The following OCRL variants were observed in gnomAD, a reference collection of about 807,000 sequenced individuals.
OCRL encodes the protein OCRL inositol polyphosphate-5-phosphatase, also known as inositol polyphosphate 5-phosphatase OCRL.
OCRL carries 8 observed loss-of-function variants against 78.9 expected under a neutral mutation model. The ratio of observed to expected loss-of-function variants is 0.10; its 90% confidence interval spans 0.06 to 0.18. The LOEUF (loss-of-function observed/expected upper bound fraction) is 0.18, where lower values mean the gene tolerates loss of function less well. Among genes scored for constraint, OCRL ranks in the 10% least tolerant of loss-of-function variants. OCRL has a pLI of 1.00. For missense variants in OCRL, 454 were observed against 696.7 expected (o/e 0.65, Z 3.92); for synonymous variants, 240 against 235.4 (o/e 1.02, Z -0.18).
At chrX:129,546,338 TA>T (rs1376672567) in intron 3 of OCRL, among the ~76,000 whole-genome samples, 1 of 112,210 alleles carries the variant, frequency 8.9e-6, no homozygotes, top group Non-Finnish European at 1.9e-5. Context: ...ATAATGTAAT[TA>T]TTCCCCTATG....
rs924591233 is a variant in OCRL at position 129,576,155 on chromosome X, C to T, written c.1879+93C>T. Reference sequence around the variant, plus strand: ...CTGTTTTCTAACCACATGTCTCTTACCTTTACTGTCATATTGGTGATACCT... The same window carrying T: ...CTGTTTTCTAACCACATGTCTCTTATCTTTACTGTCATATTGGTGATACCT... On this transcript the variant is annotated intron_variant, in intron 17 of 23. Coordinates refer to ENST00000371113, the MANE Select transcript of OCRL (RefSeq NM_000276.4). The T allele has an allele frequency of 1.6e-5, 16 of 990,040 alleles. No homozygotes were observed. The African/African-American group carries it at 2.3e-4, about 14-fold the overall frequency. 81.6% of individuals were successfully genotyped at this position (990,040 alleles called of 1,213,427 possible). A position where few individuals can be genotyped will look rare whatever the true frequency, so the allele number is the denominator to read the frequency against.
chrX:129,545,404 C>T (rs1447005483), intron 3 of OCRL, among the ~76,000 whole-genome samples: 4 of 112,419 alleles, frequency 3.6e-5, no homozygotes, highest in Non-Finnish European at 5.6e-5. Flanking sequence ...GATTCACACA[C>T]ATTCAGCACT....
intron 15 of OCRL, among the ~76,000 whole-genome samples, chrX:129,570,372 C>T (rs936611635): frequency 1.8e-5 from 2 of 111,482 alleles, no homozygotes; most frequent in Non-Finnish European, 3.8e-5. Flanking sequence ...CTCTATTAAG[C>T]GTGGGTAATA....
At chrX:129,566,271 G>C in intron 13 of OCRL, among the ~76,000 whole-genome samples, 1 of 111,609 alleles carries the variant, frequency 9.0e-6, no homozygotes, top group East Asian at 2.8e-4. Flanking sequence ...ATGATTACTT[G>C]GCAAGCTGAG....
intron 18 of OCRL, among the ~76,000 whole-genome samples, chrX:129,580,020 T>A (rs1391733990): frequency 8.9e-6 from 1 of 112,389 alleles, no homozygotes; most frequent in Non-Finnish European, 1.9e-5. Context: ...TTTCCTATGT[T>A]GTTTATTCAA....
At chrX:129,589,978 C>T (rs1166363141) in intron 23 of OCRL, 22 bp downstream of exon 23, 7 of 1,154,279 alleles carry the variant, frequency 6.1e-6, no homozygotes, top group South Asian at 1.8e-5. Context: ...TCATGCAACA[C>T]GGGGCGTTTG....
chrX:129,553,807 G>A (rs2124397384), intron 4 of OCRL, among the ~76,000 whole-genome samples: 1 of 111,852 alleles, frequency 8.9e-6, no homozygotes, highest in East Asian at 2.8e-4. Context: ...TCAGATAGTA[G>A]TAGGAGACTG....
intron 3 of OCRL, among the ~76,000 whole-genome samples, chrX:129,547,398 G>T (rs1277469195): frequency 1.9e-5 from 2 of 107,987 alleles, no homozygotes; most frequent in African/African-American, 6.8e-5. Context: ...GGTGGCGGGT[G>T]CCTGTAGTCC....
chrX:129,540,276 C>G lies in OCRL; in HGVS notation c.-164C>G. ...GCGCCGCTCTCTCTTGGGTCAGATT[C>G]TCAGCTCCCAGCTCCCCGCTCCCGG... On this transcript the variant is annotated 5_prime_UTR_variant, in exon 1 of 24. Coordinates refer to ENST00000371113, the MANE Select transcript of OCRL (RefSeq NM_000276.4). The G allele has an allele frequency of 1.8e-6, 1 of 568,074 alleles. No individual in the cohort carries two copies. Among genetic ancestry groups the G allele is most frequent in the Admixed American group, 2.8e-5 (1 of 35,729 alleles). 46.8% of individuals were successfully genotyped at this position (568,074 alleles called of 1,213,427 possible).
intron 4 of OCRL, among the ~76,000 whole-genome samples, chrX:129,555,665 C>A: frequency 9.0e-6 from 1 of 111,664 alleles, no homozygotes; most frequent in African/African-American, 3.2e-5. Flanking sequence ...AATTTGTTTT[C>A]TTTCTCAAGC....
At position 129,542,316 on chromosome X, in the gene OCRL, A is replaced by G. The variant is rs1935817565; in HGVS notation, c.119+1493A>G. Among the ~76,000 whole-genome samples the G allele has an allele frequency of 2.7e-5, 3 of 109,358 alleles. No individual in the cohort carries two copies. The Admixed American group carries it at 2.9e-4, about 11-fold the overall frequency. 95.0% of individuals were successfully genotyped at this position (109,358 alleles called of 115,157 possible). A position where few individuals can be genotyped will look rare whatever the true frequency, so the allele number is the denominator to read the frequency against. ...GGGGGTATGGGGCTGCTATATAACT[A>G]ACATTAATATATAGGTAACACTATA... On this transcript the variant is annotated intron_variant, in intron 2 of 23. Transcript: ENST00000371113.
At chrX:129,558,481 C>A in intron 6 of OCRL, 152 bp from the exon 7 acceptor site, 1 of 616,257 alleles carries the variant, frequency 1.6e-6, no homozygotes, top group Non-Finnish European at 2.5e-6. Context: ...TATGCTTCTT[C>A]GAACTCCAAT....
intron 2 of OCRL, 63 bp from the exon 3 acceptor site, chrX:129,544,892 TGAA>T: frequency 1.6e-6 from 1 of 638,041 alleles, no homozygotes; most frequent in Non-Finnish European, 2.7e-6. Context: ...AACAGGACAG[TGAA>T]GTATTTTTTT....
At chrX:129,542,028 TG>T (rs1935811077) in intron 2 of OCRL, among the ~76,000 whole-genome samples, 1 of 112,422 alleles carries the variant, frequency 8.9e-6, no homozygotes, top group Non-Finnish European at 1.9e-5. Context: ...AGCAGAAAAG[TG>T]GAACACCACT....
intron 5 of OCRL, 92 bp downstream of exon 5, chrX:129,557,527 T>A: frequency 1.3e-6 from 1 of 782,076 alleles, no homozygotes; most frequent in Non-Finnish European, 1.9e-6. Flanking sequence ...ATTGGCAAAA[T>A]ACCTCACCCT....
intron 19 of OCRL, among the ~76,000 whole-genome samples, chrX:129,586,004 C>T (rs948497339): frequency 1.8e-5 from 2 of 110,803 alleles, no homozygotes; most frequent in Non-Finnish European, 3.8e-5. Flanking sequence ...AAGCTAGAGG[C>T]GGGGGAGGGA....
At chrX:129,583,702 C>T (rs1936473781) in intron 18 of OCRL, among the ~76,000 whole-genome samples, 1 of 111,150 alleles carries the variant, frequency 9.0e-6, no homozygotes, top group African/African-American at 3.3e-5. Context: ...TTACCTATCC[C>T]CTGCCTCTCT....
At chrX:129,585,291 A>G (rs747256758) in intron 19 of OCRL, among the ~76,000 whole-genome samples, 1 of 112,352 alleles carries the variant, frequency 8.9e-6, no homozygotes, top group South Asian at 3.7e-4. Flanking sequence ...TTAAACCACC[A>G]AGGTTTGAGA....
intron 2 of OCRL, among the ~76,000 whole-genome samples, chrX:129,544,461 G>A (rs940538227): frequency 4.5e-5 from 5 of 111,656 alleles, no homozygotes; most frequent in African/African-American, 1.6e-4. Flanking sequence ...CTGAATGCTT[G>A]TTTGAAGAGA....
Sources: gnomAD v4.1 joint callset for allele counts (sites outside exome capture counted in the v4.1 genomes callset) on GRCh38, gnomAD v4.1.1 for gene constraint, MANE v1.5 for transcripts, NCBI Gene and HGNC (gene_info 2026-07-23, HGNC 2026-07-21) for gene names.